Variants in KCNAB1 observed in about 807,000 individuals in gnomAD.
The protein encoded by KCNAB1 is voltage-gated potassium channel subunit beta-1.
Under a neutral mutation model 64.6 loss-of-function variants are expected in KCNAB1, and 35 were observed. The ratio of observed to expected loss-of-function variants is 0.54; its 90% CI spans 0.41 to 0.72. The LOEUF (loss-of-function observed/expected upper bound fraction) is 0.72. KCNAB1 is among the 30% of genes least tolerant of loss of function. The pLI, the probability that KCNAB1 is intolerant of heterozygous loss-of-function variation, is 0.00. For synonymous variants in KCNAB1, 177 were observed against 183.8 expected (o/e 0.96, Z 0.30); for missense variants, 401 against 512.9 (o/e 0.78, Z 2.11).
intron 1 of KCNAB1, among the ~76,000 whole-genome samples, chr3:156,395,544 CAAAAAAAAAAAAAAAAAAAA>C (rs61017269): frequency 2.0e-3 from 50 of 25,460 alleles, no homozygotes; most frequent in East Asian, 0.017. Context: ...GACTCCGTCT[CAAAAAAAAAAAAAAAAAAAA>C]AAAAAAAAAA....
chr3:156,358,883 T>C (rs1456486438), intron 1 of KCNAB1, among the ~76,000 whole-genome samples: 1 of 152,226 alleles, frequency 6.6e-6, no homozygotes, highest in African/African-American at 2.4e-5. Flanking sequence ...TAGAGTTTAT[T>C]ATTATTGTTT....
intron 2 of KCNAB1, among the ~76,000 whole-genome samples, chr3:156,430,053 T>C (rs1716099630): frequency 6.6e-6 from 1 of 152,242 alleles, no homozygotes; most frequent in Non-Finnish European, 1.5e-5. Context: ...AGTTTCCTAC[T>C]TTTATGGATA....
At chr3:156,344,558 T>C (rs1724350958) in intron 1 of KCNAB1, among the ~76,000 whole-genome samples, 1 of 152,180 alleles carries the variant, frequency 6.6e-6, no homozygotes, top group Non-Finnish European at 1.5e-5. Context: ...GCAGTGAATC[T>C]CAAACTCATA....
intron 1 of KCNAB1, among the ~76,000 whole-genome samples, chr3:156,250,731 A>G (rs534731632): frequency 2.0e-5 from 3 of 152,172 alleles, no homozygotes; most frequent in Non-Finnish European, 2.9e-5. Flanking sequence ...GATGATGTGG[A>G]AAGGGGATTT....
chr3:156,466,693 A>G (rs1252107542), intron 7 of KCNAB1, among the ~76,000 whole-genome samples: 2 of 152,034 alleles, frequency 1.3e-5, no homozygotes, highest in African/African-American at 2.4e-5. Context: ...CCACTAGGTA[A>G]TTGATTCCTG....
chr3:156,168,165 T>A (rs1223326074), intron 1 of KCNAB1, among the ~76,000 whole-genome samples: 1 of 152,128 alleles, frequency 6.6e-6, no homozygotes, highest in Non-Finnish European at 1.5e-5. Context: ...ATCATGCCAC[T>A]GCACTCCAGC....
At chr3:156,333,080 C>T (rs987168205) in intron 1 of KCNAB1, among the ~76,000 whole-genome samples, 10 of 152,098 alleles carry the variant, frequency 6.6e-5, no homozygotes, top group African/African-American at 2.2e-4. Context: ...TCCTGCAATC[C>T]AACCCCACTT....
intron 1 of KCNAB1, among the ~76,000 whole-genome samples, chr3:156,263,753 A>G (rs996959159): frequency 2.6e-5 from 4 of 152,070 alleles, no homozygotes; most frequent in Non-Finnish European, 5.9e-5. Context: ...TCTTTAGATT[A>G]CTTATAATAC....
chr3:156,381,570 T>C (rs1196465394), intron 1 of KCNAB1, among the ~76,000 whole-genome samples: 2 of 152,212 alleles, frequency 1.3e-5, no homozygotes, highest in Non-Finnish European at 2.9e-5. Flanking sequence ...GTTTCTTTAA[T>C]AGGCTCTTCA....
At chr3:156,390,939 C>T (rs192755487) in intron 1 of KCNAB1, among the ~76,000 whole-genome samples, 3 of 152,168 alleles carry the variant, frequency 2.0e-5, no homozygotes, top group East Asian at 3.9e-4. Flanking sequence ...TTCCCAGTTG[C>T]GAGTGTTCCC....
At chr3:156,127,884 G>GGTGTGTGTGTGTGTGT (rs10576749) in intron 1 of KCNAB1, among the ~76,000 whole-genome samples, 29 of 147,662 alleles carry the variant, frequency 2.0e-4, no homozygotes, top group Admixed American at 4.7e-4. Flanking sequence ...CTTCATTTGG[G>GGTGTGTGTGTGTGTGT]GTGTGTGTGT....
chr3:156,250,575 A>G (rs1481092331), intron 1 of KCNAB1, among the ~76,000 whole-genome samples: 2 of 152,126 alleles, frequency 1.3e-5, no homozygotes, highest in Non-Finnish European at 2.9e-5. Flanking sequence ...GCTTCTTACC[A>G]TCAGTGAGAA....
intron 1 of KCNAB1, among the ~76,000 whole-genome samples, chr3:156,327,020 A>C (rs1051357111): frequency 1.3e-5 from 2 of 152,182 alleles, no homozygotes; most frequent in African/African-American, 4.8e-5. Context: ...ACTGGCTCGC[A>C]AACCTCTCTG....
At chr3:156,124,577 A>G (rs953819278) in intron 1 of KCNAB1, among the ~76,000 whole-genome samples, 2 of 150,460 alleles carry the variant, frequency 1.3e-5, no homozygotes, top group Non-Finnish European at 2.9e-5. Flanking sequence ...GTATATTTAC[A>G]CATATACACA....
At chr3:156,167,283 T>G (rs1358307336) in intron 1 of KCNAB1, among the ~76,000 whole-genome samples, 13 of 152,172 alleles carry the variant, frequency 8.5e-5, no homozygotes, top group Admixed American at 8.5e-4. Context: ...CGTGTGAGAC[T>G]TTTTGCAAGG....
chr3:156,275,959 G>A (rs539905969), intron 1 of KCNAB1, among the ~76,000 whole-genome samples: 66 of 147,788 alleles, frequency 4.5e-4, no homozygotes, highest in African/African-American at 1.6e-3. Flanking sequence ...AGAATGGTGA[G>A]TTTTTTTTTT....
chr3:156,124,828 G>A (rs1716398295), intron 1 of KCNAB1, among the ~76,000 whole-genome samples: 1 of 151,960 alleles, frequency 6.6e-6, no homozygotes, highest in African/African-American at 2.4e-5. Context: ...CTGCAAAAGG[G>A]TGCTAACACC....
intron 10 of KCNAB1, among the ~76,000 whole-genome samples, chr3:156,516,028 G>A (rs1717535208): frequency 6.6e-6 from 1 of 152,070 alleles, no homozygotes; most frequent in African/African-American, 2.4e-5. Flanking sequence ...CATTTTTCAG[G>A]CTTTCTGATA....
Position 156,182,069 on chromosome 3 carries a change from T to A in KCNAB1, c.275+61183T>A, listed in dbSNP as rs142604327. Among the ~76,000 whole-genome samples, 578 of 152,308 alleles carry A rather than the reference T, an allele frequency of 3.8e-3. 3 individuals carry two copies. The highest frequency in any genetic ancestry group is 0.013 in the African/African-American group (549 of 41,574). On this transcript the variant is annotated intron_variant, in intron 1 of 13. Transcript: ENST00000490337. ...TCTTTTTAGTATTATTCAAAATGTT[T>A]ATCATGAGCAACTTTAATAACTTTA...
Sources: allele counts gnomAD v4.1 joint callset (sites outside exome capture counted in the v4.1 genomes callset), GRCh38; gene constraint gnomAD v4.1.1; transcripts MANE v1.5; gene names NCBI Gene and HGNC (gene_info 2026-07-23, HGNC 2026-07-21).